B4GALNT2: variants seen among roughly 807,000 people sequenced by gnomAD.
B4GALNT2 encodes the protein N-acetylneuraminylgalactosylglucosyl-glucoside beta-1,4-N- acetylgalactosaminyltransferase 2.
Under a neutral mutation model 51.1 loss-of-function variants are expected in B4GALNT2, and 42 were observed. The observed-to-expected ratio is 0.82, with a 90% CI of 0.64 to 1.06. The LOEUF (loss-of-function observed/expected upper bound fraction) is 1.06. B4GALNT2 is among the 50% of genes least tolerant of loss of function. The probability of loss-of-function intolerance (pLI) is 0.00; values close to 1 mark genes in which losing one functional copy is unlikely to be tolerated. For synonymous variants in B4GALNT2, 253 were observed against 251.7 expected (o/e 1.01, Z -0.05); for missense variants, 602 against 633.6 (o/e 0.95, Z 0.54).
chr17:49,137,167 C>A (rs1226201208), intron 1 of B4GALNT2, among the ~76,000 whole-genome samples: 2 of 151,984 alleles, frequency 1.3e-5, no homozygotes, highest in East Asian at 3.9e-4. Context: ...AAATTACAAG[C>A]TGTTCAGAAA....
At chr17:49,124,414 A>G in the B4GALNT2 span, among the ~76,000 whole-genome samples, 2 of 152,220 alleles carry the variant, frequency 1.3e-5, no homozygotes, top group Non-Finnish European at 2.9e-5. Flanking sequence ...TGGATGACAA[A>G]AAGTTTTAGG....
chr17:49,125,710 G>A, the B4GALNT2 span, among the ~76,000 whole-genome samples: 1 of 135,572 alleles, frequency 7.4e-6, no homozygotes, highest in Non-Finnish European at 1.6e-5. Context: ...GGTGGGGGTC[G>A]GCCCCCGCCG....
chr17:49,171,390 G>A lies in B4GALNT2; in HGVS notation c.*1662G>A. On this transcript the variant is annotated 3_prime_UTR_variant, in exon 11 of 11. Transcript: ENST00000393354. ...AAGCACTCCAGTTCCTGGCATTAAG[G>A]TCAAGTGTGCCTGGGATGCTTTAAA... The A allele has an allele frequency of 2.3e-6, 1 of 436,916 alleles. No homozygotes were observed. The highest frequency in any genetic ancestry group is 4.5e-6 in the Non-Finnish European group (1 of 222,694). The allele number at this position is 436,916 out of a possible 1,614,324, so 27.1% of individuals were successfully genotyped here. A position where few individuals can be genotyped will look rare whatever the true frequency, so the allele number is the denominator to read the frequency against.
At chr17:49,125,778 G>A in the B4GALNT2 span, among the ~76,000 whole-genome samples, 927 of 44,716 alleles carry the variant, frequency 0.021, 120 homozygotes, top group African/African-American at 0.042. Context: ...CCGTCCGGCC[G>A]CCCCGTCCGG....
intron 1 of B4GALNT2, 109 bp downstream of exon 1, chr17:49,132,915 G>A (rs2042552645): frequency 7.3e-7 from 1 of 1,377,132 alleles, no homozygotes; most frequent in Non-Finnish European, 9.4e-7. Flanking sequence ...GGACGCAGAC[G>A]CCGGAGCCAG....
chr17:49,120,431 G>C, the B4GALNT2 span, among the ~76,000 whole-genome samples: 1 of 152,008 alleles, frequency 6.6e-6, no homozygotes, highest in African/African-American at 2.4e-5. Context: ...AAGGGTAAAA[G>C]AGAAAAGAAG....
chr17:49,137,786 G>A (rs917571788), intron 1 of B4GALNT2, among the ~76,000 whole-genome samples: 2 of 152,032 alleles, frequency 1.3e-5, no homozygotes, highest in Non-Finnish European at 2.9e-5. Flanking sequence ...TTAAGCATTC[G>A]ATGAAATGTA....
At chr17:49,137,727 C>A (rs1053746185) in intron 1 of B4GALNT2, among the ~76,000 whole-genome samples, 3 of 152,162 alleles carry the variant, frequency 2.0e-5, no homozygotes, top group African/African-American at 7.2e-5. Context: ...CCCTCCCATT[C>A]TTTTTCAGAA....
At chr17:49,130,563 G>A (rs189966330), upstream of B4GALNT2, among the ~76,000 whole-genome samples, 167 of 152,248 alleles carry the variant, frequency 1.1e-3, 2 homozygotes, top group African/African-American at 3.6e-3. Context: ...GCTTGAACCC[G>A]GGAGGCAGAG....
At position 49,172,216 on chromosome 17, in the gene B4GALNT2, C is replaced by G. The variant is rs1439624234; in HGVS notation, c.*2488C>G. ...TGATAGTTGGGGTCCTCCTCAGCAT[C>G]AGTCTTGACATGGCTGCAACCAGGG... is the stretch of plus-strand genomic sequence containing the variant. On this transcript the variant is annotated 3_prime_UTR_variant, in exon 11 of 11. Coordinates refer to ENST00000393354, the MANE Select transcript of B4GALNT2 (RefSeq NM_001159387.2). 1 of 222,624 alleles carries G rather than the reference C, an allele frequency of 4.5e-6. No individual in the cohort carries two copies. The highest frequency in any genetic ancestry group is 2.3e-5 in the African/African-American group (1 of 43,362). 13.8% of individuals were successfully genotyped at this position (222,624 alleles called of 1,614,324 possible).
chr17:49,132,135 A>C (rs2042544435), upstream of B4GALNT2, among the ~76,000 whole-genome samples: 1 of 152,166 alleles, frequency 6.6e-6, no homozygotes, highest in Non-Finnish European at 1.5e-5. Context: ...TCAAAAAATA[A>C]ATTCTTGTAT....
At position 49,150,870 on chromosome 17, in the gene B4GALNT2, T is replaced by C. The variant is rs560012267; in HGVS notation, c.354-1930T>C. ...GCTGACCTTCCCTCCACTATTGTCC[T>C]GTGAACCTGCCAAATCCCCCTCTGC... On this transcript the variant is annotated intron_variant, in intron 3 of 10. Coordinates refer to ENST00000393354, the MANE Select transcript of B4GALNT2 (RefSeq NM_001159387.2). Among the ~76,000 whole-genome samples, 11 of 150,828 alleles carry C rather than the reference T, an allele frequency of 7.3e-5. No individual in the cohort carries two copies. The South Asian group carries it at 2.3e-3, about 32-fold the overall frequency.
intron 5 of B4GALNT2, among the ~76,000 whole-genome samples, chr17:49,158,071 C>T (rs529706683): frequency 2.0e-5 from 3 of 152,136 alleles, no homozygotes; most frequent in African/African-American, 7.2e-5. Flanking sequence ...ATTTTGGAGG[C>T]AGAGCTGAGA....
intron 1 of B4GALNT2, chr17:49,133,110 T>A: frequency 6.6e-7 from 1 of 1,524,416 alleles, no homozygotes; most frequent in South Asian, 1.3e-5. Flanking sequence ...GACGCCCGAG[T>A]GTGGGAATCG....
intron 9 of B4GALNT2, among the ~76,000 whole-genome samples, chr17:49,168,241 A>G (rs1321931122): frequency 4.6e-5 from 7 of 152,218 alleles, no homozygotes; most frequent in Non-Finnish European, 7.3e-5. Context: ...TCCAAGAGGT[A>G]AGCCAGGAGC....
intron 4 of B4GALNT2, among the ~76,000 whole-genome samples, chr17:49,154,642 C>T (rs949603666): frequency 6.6e-6 from 1 of 151,942 alleles, no homozygotes; most frequent in African/African-American, 2.4e-5. Flanking sequence ...CAGCCGAGCT[C>T]TCTCCAGGTC....
chr17:49,156,632 ACTTGGTGTC>A (rs1567862998), intron 5 of B4GALNT2, 29 bp downstream of exon 5: 1 of 1,611,340 alleles, frequency 6.2e-7, no homozygotes, highest in Admixed American at 1.7e-5. Flanking sequence ...CCCTCTTTGC[ACTTGGTGTC>A]CTGTCCTCAT....
chr17:49,150,994 C>CT (rs755994478), intron 3 of B4GALNT2, among the ~76,000 whole-genome samples: 3 of 151,900 alleles, frequency 2.0e-5, no homozygotes, highest in African/African-American at 2.4e-5. Flanking sequence ...ATGATCTAAT[C>CT]TTTTTTTTCA....
At chr17:49,154,462 C>T (rs1285935317) in intron 4 of B4GALNT2, among the ~76,000 whole-genome samples, 1 of 151,978 alleles carries the variant, frequency 6.6e-6, no homozygotes, top group East Asian at 1.9e-4. Flanking sequence ...TGTCCCCTCC[C>T]AGTGCAGAGA....
Sources: allele counts gnomAD v4.1 joint callset (sites outside exome capture counted in the v4.1 genomes callset), GRCh38; gene constraint gnomAD v4.1.1; transcripts MANE v1.5; gene names NCBI Gene and HGNC (gene_info 2026-07-23, HGNC 2026-07-21).